The following SORCS2 variants were observed in gnomAD, a reference collection of about 807,000 sequenced individuals.
SORCS2 encodes VPS10 domain-containing receptor SorCS2.
A neutral mutation model predicts 141.6 loss-of-function variants in SORCS2; 100 were observed. The ratio of observed to expected loss-of-function variants is 0.71; its 90% confidence interval spans 0.60 to 0.83. The LOEUF (loss-of-function observed/expected upper bound fraction) is 0.83, where lower values mean the gene tolerates loss of function less well. SORCS2 is among the 40% of genes least tolerant of loss of function. The pLI is 0.00. For missense variants in SORCS2, 1,646 were observed against 1,560.2 expected, an observed-to-expected ratio of 1.05 and a Z score of -0.93; for synonymous variants, 789 against 676.9, an observed-to-expected ratio of 1.17 and a Z score of -2.57.
At chr4:7,687,051 C>G (rs1397575256) in intron 10 of SORCS2, among the ~76,000 whole-genome samples, 1 of 152,210 alleles carries the variant, frequency 6.6e-6, no homozygotes, top group Non-Finnish European at 1.5e-5. Context: ...TCTAATTCAA[C>G]TCTAACCACT....
chr4:7,507,515 A>G (rs962221201), intron 2 of SORCS2, among the ~76,000 whole-genome samples: 1 of 152,214 alleles, frequency 6.6e-6, no homozygotes, highest in Non-Finnish European at 1.5e-5. Context: ...TAAGTGTCTA[A>G]GAATAGAAAA....
At chr4:7,326,033 T>C (rs1174032244) in intron 1 of SORCS2, among the ~76,000 whole-genome samples, 2 of 151,822 alleles carry the variant, frequency 1.3e-5, no homozygotes, top group Non-Finnish European at 2.9e-5. Flanking sequence ...GATGTTCCAG[T>C]GGATTTCAGG....
At chr4:7,435,149 G>C (rs1010982655) in intron 2 of SORCS2, among the ~76,000 whole-genome samples, 3 of 152,088 alleles carry the variant, frequency 2.0e-5, no homozygotes, top group African/African-American at 7.2e-5. Context: ...ATGAAGCTCG[G>C]CTCCTAGGAA....
chr4:7,515,192 A>G (rs1732895306), intron 2 of SORCS2, among the ~76,000 whole-genome samples: 2 of 152,186 alleles, frequency 1.3e-5, no homozygotes, highest in African/African-American at 2.4e-5. Context: ...CTCTGTACAG[A>G]AGGGACGCCT....
intron 3 of SORCS2, among the ~76,000 whole-genome samples, chr4:7,556,488 T>C (rs567628941): frequency 2.0e-5 from 3 of 152,212 alleles, no homozygotes; most frequent in Non-Finnish European, 2.9e-5. Context: ...GTCCTATCAC[T>C]GGCACGGACT....
chr4:7,455,430 CTG>C (rs1728831688), intron 2 of SORCS2, among the ~76,000 whole-genome samples: 1 of 107,794 alleles, frequency 9.3e-6, no homozygotes, highest in African/African-American at 3.7e-5. Context: ...GGGGTCAGTG[CTG>C]TGTGTTGGGG....
chr4:7,611,333 C>G (rs1718391849), intron 3 of SORCS2, among the ~76,000 whole-genome samples: 1 of 152,182 alleles, frequency 6.6e-6, no homozygotes, highest in Non-Finnish European at 1.5e-5. Context: ...AGGCTCAAGT[C>G]CTGGCTGAGA....
In SORCS2 at chr4:7,325,678, T is replaced by C. The variant is rs1719206981; in HGVS notation, c.481-70610T>C. Among the ~76,000 whole-genome samples, 4 of 152,340 alleles carry C rather than the reference T, an allele frequency of 2.6e-5. No individual in the cohort carries two copies. In the South Asian group the frequency reaches 6.2e-4, roughly 24 times the overall value. On this transcript the variant is annotated intron_variant, in intron 1 of 26. Coordinates refer to ENST00000507866, the MANE Select transcript of SORCS2 (RefSeq NM_020777.3). ...ATGCACGGCGCTCTGGAAGGCCCCT[T>C]GGCAGGGCTTTTCCAGGCCTGGCCC...
chr4:7,325,528 T>C (rs752773539), intron 1 of SORCS2, among the ~76,000 whole-genome samples: 14 of 152,186 alleles, frequency 9.2e-5, no homozygotes, highest in Non-Finnish European at 1.6e-4. Context: ...CACTCGGGGC[T>C]TTCACTGGGC....
intron 2 of SORCS2, among the ~76,000 whole-genome samples, chr4:7,485,045 C>A (rs1372210724): frequency 1.3e-5 from 2 of 152,220 alleles, no homozygotes; most frequent in Non-Finnish European, 2.9e-5. Flanking sequence ...CCTCAGGGGG[C>A]GTTTGTTGAG....
intron 1 of SORCS2, among the ~76,000 whole-genome samples, chr4:7,354,199 G>C (rs1483826486): frequency 6.6e-6 from 1 of 152,166 alleles, no homozygotes; most frequent in Non-Finnish European, 1.5e-5. Context: ...TCCTGGTCCA[G>C]CATCTCTCGG....
intron 14 of SORCS2, among the ~76,000 whole-genome samples, chr4:7,710,479 C>G (rs1412017404): frequency 6.6e-6 from 1 of 152,206 alleles, no homozygotes. Flanking sequence ...TGAGGATGCT[C>G]TCAGGGATCC....
chr4:7,307,367 C>T (rs1225152040), intron 1 of SORCS2, among the ~76,000 whole-genome samples: 2 of 152,260 alleles, frequency 1.3e-5, no homozygotes, highest in Non-Finnish European at 2.9e-5. Context: ...AGAAAAGCAG[C>T]CCCTTGGATG....
At chr4:7,636,736 A>T (rs1034018245) in intron 3 of SORCS2, among the ~76,000 whole-genome samples, 2 of 151,840 alleles carry the variant, frequency 1.3e-5, no homozygotes, top group African/African-American at 4.8e-5. Context: ...GCCTCCCTAG[A>T]GACCTCCCAG....
chr4:7,624,960 T>C (rs755681320), intron 3 of SORCS2, among the ~76,000 whole-genome samples: 1 of 152,244 alleles, frequency 6.6e-6, no homozygotes, highest in Admixed American at 6.5e-5. Flanking sequence ...CACAAGATCA[T>C]TAATAAATCA....
At chr4:7,439,716 C>G (rs568232164) in intron 2 of SORCS2, among the ~76,000 whole-genome samples, 1 of 152,210 alleles carries the variant, frequency 6.6e-6, no homozygotes, top group Non-Finnish European at 1.5e-5. Flanking sequence ...ATGTTGTTCC[C>G]ACAACTGTAG....
intron 3 of SORCS2, among the ~76,000 whole-genome samples, chr4:7,613,760 C>T (rs1718574202): frequency 6.6e-6 from 1 of 152,176 alleles, no homozygotes; most frequent in Non-Finnish European, 1.5e-5. Context: ...CATCCTTACA[C>T]TTGCAGTTCA....
intron 2 of SORCS2, among the ~76,000 whole-genome samples, chr4:7,484,061 G>GT (rs1414544401): frequency 1.3e-5 from 2 of 152,168 alleles, no homozygotes; most frequent in Admixed American, 6.5e-5. Flanking sequence ...GCATTTAAGT[G>GT]TTTTTACCTC....
At chr4:7,711,040 G>A (rs1405558492) in intron 14 of SORCS2, among the ~76,000 whole-genome samples, 2 of 152,210 alleles carry the variant, frequency 1.3e-5, no homozygotes, top group African/African-American at 2.4e-5. Flanking sequence ...CTGCTCCCTC[G>A]ACGAGCTGGC....
Sources: gnomAD v4.1 joint callset for allele counts (sites outside exome capture counted in the v4.1 genomes callset) on GRCh38, gnomAD v4.1.1 for gene constraint, MANE v1.5 for transcripts, NCBI Gene and HGNC (gene_info 2026-07-23, HGNC 2026-07-21) for gene names.